The following FHIT variants were observed in gnomAD, a reference collection of about 807,000 sequenced individuals.
The protein encoded by FHIT is fragile histidine triad diadenosine triphosphatase, also known as bis(5'-adenosyl)-triphosphatase.
A neutral mutation model predicts 17.9 loss-of-function variants in FHIT; 19 were observed. That is an observed-to-expected ratio of 1.06 (90% CI 0.74 to 1.56). The LOEUF (loss-of-function observed/expected upper bound fraction) is 1.56. Among genes scored for constraint, FHIT ranks in the 40% most tolerant of loss-of-function variants. The pLI is 0.00. For missense variants in FHIT, 248 were observed against 189.2 expected (o/e 1.31, Z -1.82); for synonymous variants, 81 against 69.7 (o/e 1.16, Z -0.81).
At chr3:59,775,812 T>C (rs772705411) in intron 8 of FHIT, among the ~76,000 whole-genome samples, 16 of 152,204 alleles carry the variant, frequency 1.1e-4, no homozygotes, top group Non-Finnish European at 2.1e-4. Flanking sequence ...CACTCACAGA[T>C]GGCCTCTGAG....
intron 5 of FHIT, among the ~76,000 whole-genome samples, chr3:60,302,140 G>A (rs1708481153): frequency 1.3e-5 from 2 of 151,960 alleles, no homozygotes; most frequent in South Asian, 2.1e-4. Context: ...ATATGCTGTG[G>A]GAATTAAATG....
chr3:60,855,475 A>C (rs1703342630), intron 3 of FHIT, among the ~76,000 whole-genome samples: 1 of 152,150 alleles, frequency 6.6e-6, no homozygotes, highest in African/African-American at 2.4e-5. Flanking sequence ...ATGAGGCAAT[A>C]GCCAAAAGAG....
chr3:60,996,718 G>A (rs1316082414), intron 3 of FHIT, among the ~76,000 whole-genome samples: 2 of 152,176 alleles, frequency 1.3e-5, no homozygotes, highest in Non-Finnish European at 2.9e-5. Context: ...GAGATCCTCT[G>A]AAACATTTTA....
At chr3:60,822,353 C>G (rs1299670335) in intron 3 of FHIT, among the ~76,000 whole-genome samples, 1 of 152,120 alleles carries the variant, frequency 6.6e-6, no homozygotes, top group Non-Finnish European at 1.5e-5. Flanking sequence ...CTGGGGCTTT[C>G]CATTTTGCAA....
intron 5 of FHIT, among the ~76,000 whole-genome samples, chr3:60,399,942 G>C (rs1701595373): frequency 6.6e-6 from 1 of 152,150 alleles, no homozygotes; most frequent in Admixed American, 6.6e-5. Flanking sequence ...TCTGAATTCA[G>C]AGTATCCTCT....
Position 60,751,299 on chromosome 3 carries a change from A to G in FHIT, c.-18+70620T>C, listed in dbSNP as rs2042461068. The stretch of plus-strand genomic sequence containing the variant: ...AAACTGAGGAACAGAGAGGTGTTCA[A>G]TGGATACTTAGAGTGAGACAGCACC... On this transcript the variant is annotated intron_variant, in intron 4 of 9. Coordinates refer to ENST00000492590, the MANE Select transcript of FHIT (RefSeq NM_002012.4). Among the ~76,000 whole-genome samples the G allele has an allele frequency of 2.0e-5, 3 of 152,356 alleles. No homozygotes were observed. In the South Asian group the frequency reaches 6.2e-4, roughly 32 times the overall value.
chr3:59,924,084 GA>G (rs1007894003), intron 7 of FHIT, among the ~76,000 whole-genome samples: 30 of 152,304 alleles, frequency 2.0e-4, no homozygotes, highest in African/African-American at 6.0e-4. Flanking sequence ...AACTACCCAT[GA>G]AACCAAATTC....
intron 2 of FHIT, among the ~76,000 whole-genome samples, chr3:61,135,771 T>C (rs1161361252): frequency 6.6e-6 from 1 of 152,148 alleles, no homozygotes; most frequent in Non-Finnish European, 1.5e-5. Context: ...TTTATACCAA[T>C]TGATCAATGT....
At chr3:60,976,096 C>CTTTTTCTTTTTTTT (rs1424446334) in intron 3 of FHIT, among the ~76,000 whole-genome samples, 6 of 66,756 alleles carry the variant, frequency 9.0e-5, no homozygotes, top group African/African-American at 4.0e-4. Flanking sequence ...TTTTCTTTTT[C>CTTTTTCTTTTTTTT]TTTTTTTTTT....
intron 9 of FHIT, 45 bp from the exon 10 acceptor site, chr3:59,749,624 C>T (rs9829538): frequency 1.8e-4 from 41 of 230,694 alleles, no homozygotes; most frequent in African/African-American, 9.1e-4. Flanking sequence ...ATTCTAACAT[C>T]AGAAATCTTC....
intron 1 of FHIT, among the ~76,000 whole-genome samples, chr3:61,220,577 A>T (rs553574952): frequency 6.6e-6 from 1 of 152,206 alleles, no homozygotes; most frequent in African/African-American, 2.4e-5. Flanking sequence ...GGAGCTAATC[A>T]ATATTGTTAA....
chr3:59,897,310 C>A (rs1704114302), intron 8 of FHIT, among the ~76,000 whole-genome samples: 1 of 152,070 alleles, frequency 6.6e-6, no homozygotes, highest in African/African-American at 2.4e-5. Context: ...CTCTAGACAC[C>A]CTCCCTATAG....
intron 1 of FHIT, among the ~76,000 whole-genome samples, chr3:61,201,292 A>G (rs2039004703): frequency 6.6e-6 from 1 of 152,262 alleles, no homozygotes; most frequent in South Asian, 2.1e-4. Flanking sequence ...CTCTGTGATC[A>G]AAACATAAAT....
chr3:60,833,170 T>G (rs1249821066), intron 3 of FHIT, among the ~76,000 whole-genome samples: 41 of 152,098 alleles, frequency 2.7e-4, no homozygotes, highest in Admixed American at 2.7e-3. Context: ...GTCTTTCACT[T>G]AAGCCCCGAT....
At chr3:60,375,104 GAA>G (rs11324509) in intron 5 of FHIT, among the ~76,000 whole-genome samples, 367 of 144,024 alleles carry the variant, frequency 2.5e-3, no homozygotes, top group African/African-American at 8.5e-3. Context: ...TGCTCCTTTT[GAA>G]AAAAAAAAAA....
At chr3:61,014,809 T>TATATATATAC (rs1177361207) in intron 3 of FHIT, among the ~76,000 whole-genome samples, 1 of 85,178 alleles carries the variant, frequency 1.2e-5, no homozygotes, top group African/African-American at 7.9e-5. Context: ...AAAAAAAAAA[T>TATATATATAC]ATATATATAT....
chr3:60,236,235 C>A (rs1704777856), intron 5 of FHIT, among the ~76,000 whole-genome samples: 2 of 150,254 alleles, frequency 1.3e-5, no homozygotes, highest in South Asian at 2.1e-4. Flanking sequence ...CTGATTGTAA[C>A]AATAAAAAGT....
At chr3:60,332,831 T>C (rs923746666) in intron 5 of FHIT, among the ~76,000 whole-genome samples, 1 of 152,184 alleles carries the variant, frequency 6.6e-6, no homozygotes, top group Non-Finnish European at 1.5e-5. Flanking sequence ...GTTAGGGACA[T>C]AGAGATGCTA....
intron 3 of FHIT, among the ~76,000 whole-genome samples, chr3:60,947,549 T>G (rs1395416194): frequency 1.3e-5 from 2 of 152,216 alleles, no homozygotes; most frequent in Non-Finnish European, 2.9e-5. Context: ...GTATCCCAAA[T>G]GAAGTAAAAG....
Sources: gnomAD v4.1 joint callset for allele counts (sites outside exome capture counted in the v4.1 genomes callset) on GRCh38, gnomAD v4.1.1 for gene constraint, MANE v1.5 for transcripts, NCBI Gene and HGNC (gene_info 2026-07-23, HGNC 2026-07-21) for gene names.